The following TMEM131L variants were observed in gnomAD, a reference collection of about 807,000 sequenced individuals.
TMEM131L encodes transmembrane 131 like.
A neutral mutation model predicts 192.2 loss-of-function variants in TMEM131L; 54 were observed. That is an observed-to-expected ratio of 0.28 (90% confidence interval 0.23 to 0.35). TMEM131L has a LOEUF of 0.35. Ranked by LOEUF, TMEM131L falls within the 10% of genes least tolerant of loss-of-function variation. TMEM131L has a pLI of 1.00. For missense variants in TMEM131L, 1,888 were observed against 1,972.9 expected (o/e 0.96, Z 0.82); for synonymous variants, 701 against 704.9 (o/e 0.99, Z 0.09).
chr4:153,567,347 G>T (rs904406652), intron 7 of TMEM131L, among the ~76,000 whole-genome samples: 6 of 152,168 alleles, frequency 3.9e-5, no homozygotes, highest in Non-Finnish European at 5.9e-5. Context: ...ACAAATACCT[G>T]TGTAAACATA....
In TMEM131L at chr4:153,467,220, C is replaced by T. The variant is rs140778868; in HGVS notation, c.134C>T (p.Pro45Leu). The change falls in exon 2 of 35, where the codon CCG becomes CTG. Residue 45 changes from proline to leucine, a missense_variant. Physicochemically the swap from Pro to Leu is moderately conservative, Grantham distance 98. Transcript: ENST00000409959. ...PGGAQGQAIE[P>L]LPNVVELWQA... Reference sequence around the variant, plus strand: ...TTTGGTGTTCCTGCAGCGATTGAGCCGTTGCCGAACGTGGTGGAGCTGTGG... The same window carrying T: ...TTTGGTGTTCCTGCAGCGATTGAGCTGTTGCCGAACGTGGTGGAGCTGTGG... 5.8e-6 allele frequency: 9 copies of T among 1,551,548 alleles called. No individual in the cohort carries two copies. Among genetic ancestry groups the T allele is most frequent in the Admixed American group, 3.9e-5 (2 of 50,980 alleles).
chr4:153,504,963 T>C (rs1404624576), intron 3 of TMEM131L, among the ~76,000 whole-genome samples: 1 of 152,116 alleles, frequency 6.6e-6, no homozygotes, highest in African/African-American at 2.4e-5. Context: ...AGAGGATGGG[T>C]TGGCTAGGAG....
At chr4:153,622,006 C>T (rs1445565430) in intron 28 of TMEM131L, among the ~76,000 whole-genome samples, 157 bp downstream of exon 28, 1 of 152,174 alleles carries the variant, frequency 6.6e-6, no homozygotes, top group Admixed American at 6.5e-5. Context: ...AGGGTGAGAC[C>T]AGAAAACTAA....
intron 3 of TMEM131L, among the ~76,000 whole-genome samples, chr4:153,521,620 C>T (rs968044862): frequency 1.3e-5 from 2 of 152,050 alleles, no homozygotes; most frequent in East Asian, 1.9e-4. Flanking sequence ...CGCCACCATC[C>T]GTCTCCAGAA....
intron 4 of TMEM131L, among the ~76,000 whole-genome samples, chr4:153,553,798 A>T (rs1737809755): frequency 6.6e-6 from 1 of 152,240 alleles, no homozygotes; most frequent in Non-Finnish European, 1.5e-5. Flanking sequence ...AGTGCTAATC[A>T]TTCATAGAGA....
chr4:153,544,297 T>G (rs917043487), intron 3 of TMEM131L, among the ~76,000 whole-genome samples: 20 of 152,046 alleles, frequency 1.3e-4, no homozygotes, highest in Admixed American at 6.5e-5. Flanking sequence ...TTTTCACTTG[T>G]TCGAAAGGAC....
intron 2 of TMEM131L, among the ~76,000 whole-genome samples, chr4:153,469,314 G>GACACACACACACACACAC (rs201245535): frequency 0.013 from 1,920 of 148,900 alleles, 50 homozygotes; most frequent in African/African-American, 0.045. Flanking sequence ...GGGTAAGGGA[G>GACACACACACACACACAC]ACACACACAC....
intron 29 of TMEM131L, 107 bp downstream of exon 29, chr4:153,623,190 A>C: frequency 9.8e-7 from 1 of 1,022,308 alleles, no homozygotes; most frequent in Non-Finnish European, 1.4e-6. Context: ...CAGAGGACAG[A>C]TGGGACAGTG....
rs533782808 is a variant in TMEM131L at position 153,542,208 on chromosome 4, G to A, written c.240-7865G>A. 2.0e-5 allele frequency among the ~76,000 whole-genome samples: 3 copies of A among 152,300 alleles called. No individual in the cohort carries two copies. In the East Asian group the frequency reaches 5.8e-4, roughly 29 times the overall value. On this transcript the variant is annotated intron_variant, in intron 3 of 34. Transcript: ENST00000409959. ...TAGAGGAAGAGCTTTGGAAATGACA[G>A]CATGGAAGAGATAGGCAGAGGAAGA...
chr4:153,501,518 TG>T (rs1486763804), intron 3 of TMEM131L, among the ~76,000 whole-genome samples: 1 of 152,142 alleles, frequency 6.6e-6, no homozygotes, highest in Non-Finnish European at 1.5e-5. Flanking sequence ...CAAGTATTAA[TG>T]TAAATAATGT....
intron 3 of TMEM131L, among the ~76,000 whole-genome samples, chr4:153,526,292 TCTC>T (rs1735476410): frequency 6.6e-6 from 1 of 152,182 alleles, no homozygotes; most frequent in South Asian, 2.1e-4. Context: ...AGGCCTCTCT[TCTC>T]CTGTCCACTA....
At chr4:153,591,304 G>C (rs1267293527) in intron 17 of TMEM131L, 110 bp downstream of exon 17, 20 of 1,041,530 alleles carry the variant, frequency 1.9e-5, no homozygotes, top group Non-Finnish European at 2.7e-5. Flanking sequence ...CCAAAATTAA[G>C]GCGATGTCAA....
intron 25 of TMEM131L, 127 bp from the exon 26 acceptor site, chr4:153,612,125 G>A (rs1197701590): frequency 1.6e-6 from 1 of 606,952 alleles, no homozygotes; most frequent in African/African-American, 1.9e-5. Flanking sequence ...CATCATGGAT[G>A]TTAAAAACAA....
intron 8 of TMEM131L, among the ~76,000 whole-genome samples, chr4:153,581,182 A>G (rs1249220682): frequency 2.6e-5 from 4 of 152,218 alleles, no homozygotes; most frequent in African/African-American, 9.7e-5. Context: ...TGAACCTGGG[A>G]GGCGGAGCTT....
chr4:153,605,302 T>C (rs1732145443), intron 25 of TMEM131L, among the ~76,000 whole-genome samples: 1 of 152,236 alleles, frequency 6.6e-6, no homozygotes, highest in African/African-American at 2.4e-5. Flanking sequence ...CCTGTGCTTA[T>C]TTATTTTCTT....
At chr4:153,528,979 G>A (rs544180283) in intron 3 of TMEM131L, among the ~76,000 whole-genome samples, 14 of 152,198 alleles carry the variant, frequency 9.2e-5, no homozygotes, top group Non-Finnish European at 2.1e-4. Flanking sequence ...TGTGGCCTCC[G>A]GATTAAAGAG....
chr4:153,492,300 C>T (rs1732848005), intron 3 of TMEM131L, among the ~76,000 whole-genome samples: 1 of 152,182 alleles, frequency 6.6e-6, no homozygotes, highest in South Asian at 2.1e-4. Context: ...CGGCATGAGC[C>T]ACTGCACATA....
intron 2 of TMEM131L, among the ~76,000 whole-genome samples, chr4:153,469,922 G>C (rs1302313266): frequency 6.9e-6 from 1 of 145,692 alleles, no homozygotes; most frequent in East Asian, 2.0e-4. Context: ...GCAAAACTTT[G>C]TCTCAAAAAA....
intron 25 of TMEM131L, among the ~76,000 whole-genome samples, chr4:153,605,023 A>T (rs1213733691): frequency 6.6e-6 from 1 of 152,166 alleles, no homozygotes; most frequent in Non-Finnish European, 1.5e-5. Flanking sequence ...TTTTTAGCTC[A>T]GATTTTCAGA....
Sources: allele counts gnomAD v4.1 joint callset (sites outside exome capture counted in the v4.1 genomes callset), GRCh38; gene constraint gnomAD v4.1.1; transcripts MANE v1.5; gene names NCBI Gene and HGNC (gene_info 2026-07-23, HGNC 2026-07-21).